Variants in MTM1 observed in about 807,000 individuals in gnomAD.
MTM1 encodes the protein myotubularin 1.
In MTM1, 9 loss-of-function variants were observed where a neutral mutation model predicts 52.1. The ratio of observed to expected loss-of-function variants is 0.17; its 90% CI spans 0.10 to 0.30. The LOEUF (loss-of-function observed/expected upper bound fraction) is 0.30, where lower values mean the gene tolerates loss of function less well. Among genes scored for constraint, MTM1 ranks in the 10% least tolerant of loss-of-function variants. MTM1 has a pLI of 1.00. For missense variants in MTM1, 277 were observed against 470.7 expected, an observed-to-expected ratio of 0.59 and a Z score of 3.81; for synonymous variants, 136 against 163.8, an observed-to-expected ratio of 0.83 and a Z score of 1.29.
intron 10 of MTM1, among the ~76,000 whole-genome samples, chrX:150,652,537 T>G (rs1311755290): frequency 9.7e-6 from 1 of 103,626 alleles, no homozygotes; most frequent in Non-Finnish European, 2.0e-5. Flanking sequence ...AGGCCCCATC[T>G]CTTTAAAAAA....
In MTM1 at chrX:150,619,058, C is replaced by T. The variant is rs782776319; in HGVS notation, c.363C>T (p.Phe121=). The T allele has an allele frequency of 1.7e-6, 2 of 1,208,654 alleles. No individual in the cohort carries two copies. The highest frequency in any genetic ancestry group is 4.3e-5 in the Admixed American group (2 of 45,980). The change falls in exon 6 of 15, where the codon TTC becomes TTT. Residue 121 remains phenylalanine (F), a synonymous_variant. Coordinates refer to ENST00000370396, the MANE Select transcript of MTM1 (RefSeq NM_000252.3). Reference sequence around the variant, plus strand: ...CCCAGGACATGAGAAACCTGAGGTTCGCTTTGAAACAGGAAGGCCACAGCA... The same window carrying T: ...CCCAGGACATGAGAAACCTGAGGTTTGCTTTGAAACAGGAAGGCCACAGCA... ...ITCKDMRNLR[F]ALKQEGHSRR...
intron 4 of MTM1, among the ~76,000 whole-genome samples, chrX:150,605,162 C>T (rs1318411335): frequency 8.9e-6 from 1 of 112,352 alleles, no homozygotes; most frequent in Non-Finnish European, 1.9e-5. Context: ...TCCTTTCCTC[C>T]CTCTTCACAG....
In MTM1 at chrX:150,616,976, A is replaced by C. The variant is rs222392; in HGVS notation, c.343-2062A>C. Among the ~76,000 whole-genome samples the C allele has an allele frequency of 1.3e-3, 144 of 112,146 alleles. 1 individual carries two copies. Among genetic ancestry groups the C allele is most frequent in the African/African-American group, 4.4e-3 (135 of 30,886 alleles). Reference sequence around the variant, plus strand: ...CTTAGCCCATGTGGATCTTTCCCTGATGAGTCAAACTCTGAGGAGACCAGG... The same window carrying C: ...CTTAGCCCATGTGGATCTTTCCCTGCTGAGTCAAACTCTGAGGAGACCAGG... On this transcript the variant is annotated intron_variant, in intron 5 of 14. Coordinates refer to ENST00000370396, the MANE Select transcript of MTM1 (RefSeq NM_000252.3).
intron 4 of MTM1, among the ~76,000 whole-genome samples, chrX:150,607,621 C>T (rs1489434945): frequency 8.9e-6 from 1 of 111,747 alleles, no homozygotes; most frequent in African/African-American, 3.3e-5. Flanking sequence ...CTATGCGGCT[C>T]ATTTTTTCTT....
intron 8 of MTM1, among the ~76,000 whole-genome samples, chrX:150,643,083 C>A (rs2148490351): frequency 9.0e-6 from 1 of 111,031 alleles, no homozygotes; most frequent in South Asian, 3.9e-4. Context: ...GTAATATGTT[C>A]TTTGCAGTAT....
At position 150,663,434 on chromosome X, in the gene MTM1, A is replaced by G. The variant is rs781948606; in HGVS notation, c.1469A>G (p.Lys490Arg). 7 of 1,210,675 alleles carry G rather than the reference A, an allele frequency of 5.8e-6. No homozygotes were observed. The highest frequency in any genetic ancestry group is 7.8e-6 in the Non-Finnish European group (7 of 894,590). The change falls in exon 14 of 15, where the codon AAG becomes AGG. Residue 490 changes from lysine (K) to arginine (R), a missense_variant and splice_region_variant. By Grantham distance (26) the Lys-to-Arg change is conservative. Around this residue, in one of 4 missense-constraint regions of MTM1, gnomAD observed 59 missense variants for 107.8 expected, o/e 0.55. Coordinates refer to ENST00000370396, the MANE Select transcript of MTM1 (RefSeq NM_000252.3). ...FNCESARERQ[K>R]VTERTVSLWS... ...CTTTCTCTCTCTGTCTCTCTGTAGA[A>G]GGTTACAGAAAGGACTGTTTCTTTA...
chrX:150,587,301 G>A (rs1402902887), intron 1 of MTM1, among the ~76,000 whole-genome samples: 1 of 111,566 alleles, frequency 9.0e-6, no homozygotes, highest in East Asian at 2.8e-4. Flanking sequence ...CTTAATGCAG[G>A]GCGTGACAGC....
intron 4 of MTM1, among the ~76,000 whole-genome samples, chrX:150,611,782 A>G (rs1557412989): frequency 8.9e-6 from 1 of 112,176 alleles, no homozygotes; most frequent in African/African-American, 3.2e-5. Flanking sequence ...CTGCCCGTTT[A>G]GAGTCGCGCT....
chrX:150,578,102 C>A (rs1557411714), intron 1 of MTM1, among the ~76,000 whole-genome samples: 1 of 111,994 alleles, frequency 8.9e-6, no homozygotes, highest in East Asian at 2.8e-4. Context: ...AGAAGTTATC[C>A]TGGGTAGGCC....
chrX:150,598,886 G>T (rs1557412679), intron 4 of MTM1, among the ~76,000 whole-genome samples, 200 bp downstream of exon 4: 1 of 112,138 alleles, frequency 8.9e-6, no homozygotes, highest in African/African-American at 3.2e-5. Flanking sequence ...ATTAAAAAAA[G>T]TCTTATCCCT....
chrX:150,666,889 A>C (rs1005396694), intron 14 of MTM1, among the ~76,000 whole-genome samples: 22 of 111,451 alleles, frequency 2.0e-4, no homozygotes, highest in African/African-American at 6.9e-4. Flanking sequence ...TCAATCTGTC[A>C]GGAGAGCTTC....
intron 4 of MTM1, among the ~76,000 whole-genome samples, chrX:150,601,395 A>G (rs2039065097): frequency 8.9e-6 from 1 of 112,377 alleles, no homozygotes; most frequent in Non-Finnish European, 1.9e-5. Context: ...TTAAAGTCCT[A>G]AGCAAGAACA....
intron 1 of MTM1, among the ~76,000 whole-genome samples, chrX:150,581,166 T>C (rs2038576934): frequency 8.9e-6 from 1 of 111,815 alleles, no homozygotes; most frequent in Non-Finnish European, 1.9e-5. Flanking sequence ...GTATGGAGCA[T>C]TGGTTTTGGT....
In MTM1 at chrX:150,592,819, T is replaced by C. The variant is rs782762823; in HGVS notation, c.63+142T>C. The C allele has an allele frequency of 4.7e-5, 22 of 467,787 alleles. No individual in the cohort carries two copies. The South Asian group carries it at 6.4e-4, about 14-fold the overall frequency. 38.6% of individuals were successfully genotyped at this position (467,787 alleles called of 1,213,427 possible). A position where few individuals can be genotyped will look rare whatever the true frequency, so the allele number is the denominator to read the frequency against. ...AAATACATTTATACATGTGGTTTCT[T>C]TATTGTCTCACCTTGTTCTAGAAAA... On this transcript the variant is annotated intron_variant, in intron 2 of 14. Transcript: ENST00000370396.
chrX:150,651,626 A>G (rs1557414213), intron 10 of MTM1, among the ~76,000 whole-genome samples: 1 of 111,136 alleles, frequency 9.0e-6, no homozygotes, highest in African/African-American at 3.3e-5. Flanking sequence ...TGGGCCGTCC[A>G]CCTGGTGGTG....
At chrX:150,659,624 C>G (rs2040185396) in intron 11 of MTM1, 40 bp from the exon 12 acceptor site, 2 of 1,073,314 alleles carry the variant, frequency 1.9e-6, no homozygotes, top group Non-Finnish European at 2.6e-6. Context: ...CAGTTTTGTA[C>G]CCATTAATTA....
At chrX:150,609,775 A>T (rs2039241462) in intron 4 of MTM1, among the ~76,000 whole-genome samples, 1 of 110,882 alleles carries the variant, frequency 9.0e-6, no homozygotes, top group African/African-American at 3.3e-5. Context: ...GTCCTTCTCT[A>T]CTTCTAGATC....
chrX:150,595,690 A>G (rs2038963633), intron 2 of MTM1, among the ~76,000 whole-genome samples: 2 of 112,490 alleles, frequency 1.8e-5, no homozygotes, highest in African/African-American at 3.2e-5. Context: ...TTAATCCACT[A>G]GGGCAGCTGA....
chrX:150,672,578 G>A lies in MTM1; in HGVS notation c.*983G>A, dbSNP rs1231283834. The A allele has an allele frequency of 9.0e-6, 1 of 111,594 alleles. No homozygotes were observed. The highest frequency in any genetic ancestry group is 1.9e-5 in the Non-Finnish European group (1 of 53,231). 9.2% of individuals were successfully genotyped at this position (111,594 alleles called of 1,213,427 possible). On this transcript the variant is annotated 3_prime_UTR_variant, in exon 15 of 15. Coordinates refer to ENST00000370396, the MANE Select transcript of MTM1 (RefSeq NM_000252.3). Reference sequence around the variant, plus strand: ...TGTGTTTATGCATTTCAATTTCAATGGTGTTGGCTTCCCCTCCCCACCCCA... The same window carrying A: ...TGTGTTTATGCATTTCAATTTCAATAGTGTTGGCTTCCCCTCCCCACCCCA...
Sources: gnomAD v4.1 joint callset for allele counts (sites outside exome capture counted in the v4.1 genomes callset) on GRCh38, gnomAD v4.1.1 for gene constraint, gnomAD v4.1.1 regional missense constraint, MANE v1.5 for transcripts, NCBI Gene and HGNC (gene_info 2026-07-23, HGNC 2026-07-21) for gene names.